LRRC8C: variants seen among roughly 807,000 people sequenced by gnomAD.
LRRC8C encodes the protein volume-regulated anion channel subunit LRRC8C.
A neutral mutation model predicts 55.3 loss-of-function variants in LRRC8C; 20 were observed. That is an observed-to-expected ratio of 0.36 (90% confidence interval 0.25 to 0.53). The LOEUF (loss-of-function observed/expected upper bound fraction) is 0.53. LRRC8C is among the 20% of genes least tolerant of loss of function. The pLI, the probability that LRRC8C is intolerant of heterozygous loss-of-function variation, is 0.92. For synonymous variants in LRRC8C, 376 were observed against 360.7 expected (o/e 1.04, Z -0.48); for missense variants, 659 against 951.4 (o/e 0.69, Z 4.04).
At position 89,716,841 on chromosome 1, in the gene LRRC8C, A is replaced by G. The variant is rs1025381441; in HGVS notation, c.*1859A>G. On this transcript the variant is annotated 3_prime_UTR_variant, in exon 3 of 3. Coordinates refer to ENST00000370454, the MANE Select transcript of LRRC8C (RefSeq NM_032270.5). The stretch of plus-strand genomic sequence containing the variant: ...TTGTATACAGAAACAAATGTTGGGA[A>G]TTGCTCCTCAGAAATGTGTTCCTAA... The G allele has an allele frequency of 2.0e-5, 3 of 152,212 alleles. No homozygotes were observed. The highest frequency in any genetic ancestry group is 2.0e-4 in the Admixed American group (3 of 15,292). The allele number at this position is 152,212 out of a possible 1,614,324, so 9.4% of individuals were successfully genotyped here. A position where few individuals can be genotyped will look rare whatever the true frequency, so the allele number is the denominator to read the frequency against.
Position 89,716,442 on chromosome 1 carries a change from A to C in LRRC8C, c.*1460A>C, listed in dbSNP as rs2101373836. ...GTATCTCATCTAAAATTGTTCGTTA[A>C]AGTGTGAATAAATTGCTAAGTGGTT... On this transcript the variant is annotated 3_prime_UTR_variant, in exon 3 of 3. Coordinates refer to ENST00000370454, the MANE Select transcript of LRRC8C (RefSeq NM_032270.5). The C allele has an allele frequency of 6.6e-6, 1 of 152,320 alleles. No homozygotes were observed. Among genetic ancestry groups the C allele is most frequent in the Non-Finnish European group, 1.5e-5 (1 of 68,014 alleles). The allele number at this position is 152,320 out of a possible 1,614,324, so 9.4% of individuals were successfully genotyped here. A position where few individuals can be genotyped will look rare whatever the true frequency, so the allele number is the denominator to read the frequency against.
the LRRC8C span, among the ~76,000 whole-genome samples, chr1:89,620,560 G>T: frequency 7.7e-6 from 1 of 130,090 alleles, no homozygotes; most frequent in African/African-American, 3.0e-5. Context: ...GAACTGCAAA[G>T]TTCGGGAAGA....
chr1:89,683,390 C>T (rs992066699), intron 1 of LRRC8C, among the ~76,000 whole-genome samples: 4 of 148,604 alleles, frequency 2.7e-5, no homozygotes, highest in African/African-American at 7.5e-5. Context: ...GATGGAGTCT[C>T]GCTCTCCACC....
chr1:89,622,664 G>A, the LRRC8C span, among the ~76,000 whole-genome samples: 1 of 152,048 alleles, frequency 6.6e-6, no homozygotes, highest in African/African-American at 2.4e-5. Flanking sequence ...CATGCCTGAC[G>A]TAGAGTAAAT....
rs757960202 is a variant in LRRC8C at position 89,713,275 on chromosome 1, T to TGA, written c.707_708dup (p.Gln237SerfsTer10). On this transcript the variant is annotated frameshift_variant, in exon 3 of 3. Coordinates refer to ENST00000370454, the MANE Select transcript of LRRC8C (RefSeq NM_032270.5). LOFTEE classifies it high-confidence loss of function. The surrounding 1 kb of genome is among the most constrained non-coding windows in gnomAD (Gnocchi z 5.2). ...CAGGGGCTCTGGATAAAAAGGAAGG[T>TGA]GAGCAGGCTAAGGCCTTATTTGAGA... The TGA allele has an allele frequency of 2.5e-6, 4 of 1,614,184 alleles. No individual in the cohort carries two copies. The highest frequency in any genetic ancestry group is 3.4e-6 in the Non-Finnish European group (4 of 1,180,036).
At chr1:89,670,913 A>T (rs1657394862) in intron 1 of LRRC8C, among the ~76,000 whole-genome samples, 1 of 152,208 alleles carries the variant, frequency 6.6e-6, no homozygotes. Flanking sequence ...GTTGGTATGC[A>T]TCTTTTCCAG....
intron 1 of LRRC8C, among the ~76,000 whole-genome samples, chr1:89,685,394 C>G (rs571466522): frequency 2.6e-5 from 4 of 152,090 alleles, no homozygotes; most frequent in Admixed American, 1.3e-4. Context: ...GGATTACAGG[C>G]GTGAGCCACC....
chr1:89,683,805 A>G (rs554115225), intron 1 of LRRC8C, among the ~76,000 whole-genome samples: 1 of 152,318 alleles, frequency 6.6e-6, no homozygotes, highest in East Asian at 1.9e-4. Flanking sequence ...TTCCAACCAC[A>G]TGTCTTTGTG....
chr1:89,617,531 T>G, the LRRC8C span, among the ~76,000 whole-genome samples: 1 of 152,364 alleles, frequency 6.6e-6, no homozygotes, highest in Admixed American at 6.5e-5. Flanking sequence ...ATTGCAGCTA[T>G]GCTATACAAT....
intron 1 of LRRC8C, among the ~76,000 whole-genome samples, chr1:89,666,835 A>C (rs182385200): frequency 6.6e-6 from 1 of 152,200 alleles, no homozygotes; most frequent in Non-Finnish European, 1.5e-5. Flanking sequence ...GGGAGACAGG[A>C]GTGAACAAAA....
At chr1:89,695,848 T>C (rs960972854) in intron 2 of LRRC8C, among the ~76,000 whole-genome samples, 30 of 152,236 alleles carry the variant, frequency 2.0e-4, no homozygotes, top group Non-Finnish European at 2.2e-4. Context: ...AACACATGGC[T>C]TTTCTGAGGC....
intron 1 of LRRC8C, among the ~76,000 whole-genome samples, chr1:89,639,206 C>T (rs979463494): frequency 1.2e-4 from 18 of 151,900 alleles, no homozygotes; most frequent in Non-Finnish European, 2.1e-4. Context: ...AGGATGGTCT[C>T]GATCTCTTGA....
intron 1 of LRRC8C, among the ~76,000 whole-genome samples, chr1:89,634,983 C>A (rs1219768131): frequency 6.6e-6 from 1 of 152,052 alleles, no homozygotes; most frequent in African/African-American, 2.4e-5. Context: ...TCAGAGATAC[C>A]AAGTATATTT....
At chr1:89,630,928 T>C (rs1015018587), upstream of LRRC8C, among the ~76,000 whole-genome samples, 1 of 152,210 alleles carries the variant, frequency 6.6e-6, no homozygotes, top group Non-Finnish European at 1.5e-5. Flanking sequence ...AGCATTAATG[T>C]GCATGTGAAT....
At chr1:89,685,531 A>G (rs1657852965) in intron 1 of LRRC8C, among the ~76,000 whole-genome samples, 1 of 151,896 alleles carries the variant, frequency 6.6e-6, no homozygotes, top group South Asian at 2.1e-4. Context: ...TTCTCACAGT[A>G]GGAGGATGAT....
chr1:89,634,018 C>T (rs1466824538), intron 1 of LRRC8C, among the ~76,000 whole-genome samples: 1 of 152,142 alleles, frequency 6.6e-6, no homozygotes, highest in Non-Finnish European at 1.5e-5. Context: ...AACTCAGGAG[C>T]CTTAGATGTG....
At chr1:89,626,771 G>A in the LRRC8C span, 2 of 152,134 alleles carry the variant, frequency 1.3e-5, no homozygotes, top group African/African-American at 4.8e-5. Flanking sequence ...TACAGCAGGT[G>A]AATGTGTTCT....
At chr1:89,706,219 A>T in intron 2 of LRRC8C, 3 of 449,142 alleles carry the variant, frequency 6.7e-6, no homozygotes, top group South Asian at 3.2e-5. Flanking sequence ...CCTGAGGCAC[A>T]CTCAGAATTC....
At chr1:89,690,528 T>C (rs1055692745) in intron 2 of LRRC8C, among the ~76,000 whole-genome samples, 2 of 152,152 alleles carry the variant, frequency 1.3e-5, no homozygotes, top group Non-Finnish European at 2.9e-5. Flanking sequence ...TTCTCTTGTT[T>C]ACACATTCCA....
Sources: gnomAD v4.1 joint callset for allele counts (sites outside exome capture counted in the v4.1 genomes callset) on GRCh38, gnomAD v4.1.1 for gene constraint, Gnocchi (gnomAD v3.1) non-coding constraint, MANE v1.5 for transcripts, NCBI Gene and HGNC (gene_info 2026-07-23, HGNC 2026-07-21) for gene names.